Variants in NXN observed in about 807,000 individuals in gnomAD.
NXN encodes nucleoredoxin 1.
Under a neutral mutation model 48.6 loss-of-function variants are expected in NXN, and 16 were observed. The ratio of observed to expected loss-of-function variants is 0.33; its 90% CI spans 0.22 to 0.50. The LOEUF is 0.50. Ranked by LOEUF, NXN falls within the 20% of genes least tolerant of loss-of-function variation. The pLI is 0.98. For missense variants in NXN, 492 were observed against 605.5 expected (o/e 0.81, Z 1.97); for synonymous variants, 281 against 269.6 (o/e 1.04, Z -0.41).
chr17:899,241 A>G (rs574600724), intron 1 of NXN, among the ~76,000 whole-genome samples: 7 of 152,260 alleles, frequency 4.6e-5, no homozygotes, highest in African/African-American at 1.4e-4. Context: ...TACAGGCGTG[A>G]GCCACCGCAC....
chr17:893,653 T>C (rs111745803), intron 1 of NXN, among the ~76,000 whole-genome samples: 31 of 31,782 alleles, frequency 9.8e-4, no homozygotes, highest in East Asian at 9.0e-3. Context: ...TCTCAACCCC[T>C]GGAAGCCAGA....
At chr17:818,650 T>C (rs1000548015) in intron 5 of NXN, among the ~76,000 whole-genome samples, 4 of 151,738 alleles carry the variant, frequency 2.6e-5, no homozygotes, top group Admixed American at 6.6e-5. Flanking sequence ...CTTTGGGAGG[T>C]CGAGGCGGGC....
chr17:829,140 CTTT>C (rs762247640), intron 1 of NXN, among the ~76,000 whole-genome samples: 4 of 128,928 alleles, frequency 3.1e-5, no homozygotes, highest in Admixed American at 1.6e-4. Flanking sequence ...GTTGCTTATC[CTTT>C]TTTTTTTTTT....
rs1295047245 is a variant in NXN, at chr17:958,548, G to A, written c.360+20771C>T. Reference sequence around the variant, plus strand: ...AGCACTTTGGGAGGCCGAAGCGGGTGGATCACGAGGTCAGGAGTTCGAGAC... The same window carrying A: ...AGCACTTTGGGAGGCCGAAGCGGGTAGATCACGAGGTCAGGAGTTCGAGAC... On this transcript the variant is annotated intron_variant, in intron 1 of 7. Coordinates refer to ENST00000336868, the MANE Select transcript of NXN (RefSeq NM_022463.5). This position sits in a 1 kb window ranked among gnomAD's most constrained non-coding sequence, Gnocchi z 6.9. Among the ~76,000 whole-genome samples, 2 of 152,112 alleles carry A rather than the reference G, an allele frequency of 1.3e-5. No homozygotes were observed. Among genetic ancestry groups the A allele is most frequent in the East Asian group, 3.9e-4 (2 of 5,194 alleles).
In NXN at chr17:973,030, C is replaced by CA. The variant is rs529073688; in HGVS notation, c.360+6288dup. On this transcript the variant is annotated intron_variant, in intron 1 of 7. Coordinates refer to ENST00000336868, the MANE Select transcript of NXN (RefSeq NM_022463.5). ...TGGGCGACAGAGCGAGACTGCGTCT[C>CA]AAAAAAAAAAAAAAAAAGGTAGAAT... is the stretch of plus-strand genomic sequence containing the variant. Among the ~76,000 whole-genome samples, 793 of 81,372 alleles carry CA rather than the reference C, an allele frequency of 9.7e-3. 4 individuals carry two copies. Among genetic ancestry groups the CA allele is most frequent in the Admixed American group, 0.018 (126 of 6,846 alleles). 53.4% of individuals were successfully genotyped at this position (81,372 alleles called of 152,430 possible).
At chr17:901,512 G>A (rs477035) in intron 1 of NXN, among the ~76,000 whole-genome samples, 7,478 of 152,164 alleles carry the variant, frequency 0.049, 583 homozygotes, top group African/African-American at 0.17. Flanking sequence ...TTACTAAAAT[G>A]AAAAGCACGG....
At chr17:976,719 A>G (rs2069463250) in intron 1 of NXN, among the ~76,000 whole-genome samples, 1 of 152,162 alleles carries the variant, frequency 6.6e-6, no homozygotes, top group Admixed American at 6.6e-5. Flanking sequence ...TCAGTTACAG[A>G]AAAGGCATTT....
chr17:812,826 G>C (rs909274550), intron 5 of NXN, among the ~76,000 whole-genome samples: 1 of 151,348 alleles, frequency 6.6e-6, no homozygotes, highest in African/African-American at 2.4e-5. Context: ...GTGTGCGAGT[G>C]TGCATGTGTG....
chr17:876,276 T>C (rs2068214902), intron 1 of NXN, among the ~76,000 whole-genome samples: 1 of 134,740 alleles, frequency 7.4e-6, no homozygotes, highest in Admixed American at 7.1e-5. Context: ...AGAAAGGAAA[T>C]GCAGGTGCCC....
chr17:828,058 A>C (rs1913230286), intron 1 of NXN, among the ~76,000 whole-genome samples: 1 of 152,154 alleles, frequency 6.6e-6, no homozygotes, highest in African/African-American at 2.4e-5. Flanking sequence ...TTACAAAACC[A>C]GCCCGGGACC....
At chr17:903,238 C>G (rs2068553151) in intron 1 of NXN, among the ~76,000 whole-genome samples, 1 of 151,806 alleles carries the variant, frequency 6.6e-6, no homozygotes, top group Admixed American at 6.6e-5. Flanking sequence ...CAGAGTCTCA[C>G]TCGGTCACCC....
chr17:839,553 G>GT (rs1448281972), intron 1 of NXN, among the ~76,000 whole-genome samples: 1 of 151,952 alleles, frequency 6.6e-6, no homozygotes, highest in Non-Finnish European at 1.5e-5. Context: ...GCTCACGCCT[G>GT]TAACTTCAGC....
intron 1 of NXN, among the ~76,000 whole-genome samples, chr17:843,836 C>T (rs760394819): frequency 1.3e-5 from 2 of 152,092 alleles, no homozygotes; most frequent in Admixed American, 6.5e-5. Context: ...CACACGGGTT[C>T]GACCCAGAAT....
chr17:937,915 G>A (rs757975215), intron 1 of NXN, among the ~76,000 whole-genome samples: 1 of 152,240 alleles, frequency 6.6e-6, no homozygotes, highest in African/African-American at 2.4e-5. Context: ...CAGCAGCCAC[G>A]AGGGAAGAAA....
chr17:830,243 T>C lies in NXN; in HGVS notation c.361-4165A>G, dbSNP rs747437866. Among the ~76,000 whole-genome samples the C allele has an allele frequency of 2.6e-5, 4 of 152,230 alleles. No homozygotes were observed. Among genetic ancestry groups the C allele is most frequent in the Non-Finnish European group, 5.9e-5 (4 of 68,038 alleles). Reference sequence around the variant, plus strand: ...CGCCCACTGTGTGCCAGGCTCGTTCTAAGCACAAGAGATTCAGTTAAGAGC... The same window carrying C: ...CGCCCACTGTGTGCCAGGCTCGTTCCAAGCACAAGAGATTCAGTTAAGAGC... On this transcript the variant is annotated intron_variant, in intron 1 of 7. Transcript: ENST00000336868. This position sits in a 1 kb window ranked among gnomAD's most constrained non-coding sequence, Gnocchi z 4.2.
At chr17:890,775 G>A (rs778102794) in intron 1 of NXN, among the ~76,000 whole-genome samples, 9 of 152,120 alleles carry the variant, frequency 5.9e-5, no homozygotes, top group South Asian at 2.1e-4. Context: ...AGTAATTTAC[G>A]AAAAGAAACA....
intron 1 of NXN, among the ~76,000 whole-genome samples, chr17:897,823 C>G (rs968155453): frequency 3.3e-5 from 5 of 152,136 alleles, no homozygotes; most frequent in African/African-American, 4.8e-5. Context: ...CTACAGGTGC[C>G]CGCCACCACG....
intron 1 of NXN, among the ~76,000 whole-genome samples, chr17:972,554 G>A (rs1011767193): frequency 6.6e-6 from 1 of 152,158 alleles, no homozygotes; most frequent in Non-Finnish European, 1.5e-5. Context: ...AAATCATGCA[G>A]GAAGGATCCC....
In NXN at chr17:841,586, C is replaced by CCACA. The variant is rs1567827989; in HGVS notation, c.361-15509_361-15508insTGTG. ...CCCCTGACCACGGAGCATCTCACGC[C>CCACA]GGCGAGCAGGTCCCCCCGACCACAG... On this transcript the variant is annotated intron_variant, in intron 1 of 7. Coordinates refer to ENST00000336868, the MANE Select transcript of NXN (RefSeq NM_022463.5). 5.9e-3 allele frequency among the ~76,000 whole-genome samples: 70 copies of CCACA among 11,868 alleles called. 6 individuals carry two copies. Among genetic ancestry groups the CCACA allele is most frequent in the African/African-American group, 0.012 (20 of 1,650 alleles). 7.8% of individuals were successfully genotyped at this position (11,868 alleles called of 152,430 possible). A position where few individuals can be genotyped will look rare whatever the true frequency, so the allele number is the denominator to read the frequency against.
Sources: gnomAD v4.1 joint callset for allele counts (sites outside exome capture counted in the v4.1 genomes callset) on GRCh38, gnomAD v4.1.1 for gene constraint, Gnocchi (gnomAD v3.1) non-coding constraint, MANE v1.5 for transcripts, NCBI Gene and HGNC (gene_info 2026-07-23, HGNC 2026-07-21) for gene names.